The following NDUFA6 variants were observed in gnomAD, a reference collection of about 807,000 sequenced individuals.
NDUFA6 encodes NADH dehydrogenase [ubiquinone] 1 alpha subcomplex subunit 6.
NDUFA6 carries 10 observed loss-of-function variants against 12.5 expected under a neutral mutation model. That is an observed-to-expected ratio of 0.80 (90% CI 0.49 to 1.35). The LOEUF is 1.35. Ranked by LOEUF, NDUFA6 falls within the 40% of genes most tolerant of loss-of-function variation. The pLI is 0.00. For synonymous variants in NDUFA6, 66 were observed against 63.0 expected, an observed-to-expected ratio of 1.05 and a Z score of -0.23; for missense variants, 177 against 173.5, an observed-to-expected ratio of 1.02 and a Z score of -0.11.
chr22:42,086,427 C>G (rs1248104671), intron 2 of NDUFA6, 113 bp from the exon 3 acceptor site: 41 of 1,384,248 alleles, frequency 3.0e-5, no homozygotes, highest in Non-Finnish European at 3.8e-5. Context: ...TGACCTTGGG[C>G]AAGTAACTAC....
At chr22:42,088,826 C>T (rs967251659) in intron 1 of NDUFA6, among the ~76,000 whole-genome samples, 4 of 149,442 alleles carry the variant, frequency 2.7e-5, no homozygotes, top group Non-Finnish European at 4.4e-5. Flanking sequence ...GTTCTAAGTT[C>T]TCAACACTAT....
intron 2 of NDUFA6, among the ~76,000 whole-genome samples, chr22:42,086,662 G>A (rs545965939): frequency 6.6e-6 from 1 of 152,240 alleles, no homozygotes; most frequent in East Asian, 1.9e-4. Flanking sequence ...TCCCATTGAT[G>A]CTAACGTGAC....
At chr22:42,086,345 A>G in intron 2 of NDUFA6, 31 bp from the exon 3 acceptor site, 1 of 1,614,028 alleles carries the variant, frequency 6.2e-7, no homozygotes, top group South Asian at 1.1e-5. Context: ...TCATCAGTCA[A>G]AGTTGTCAAG....
chr22:42,087,845 C>T (rs1334017571), intron 1 of NDUFA6, among the ~76,000 whole-genome samples: 2 of 151,064 alleles, frequency 1.3e-5, no homozygotes, highest in African/African-American at 2.4e-5. Flanking sequence ...CGGTGGCTCA[C>T]GCCTGTAATC....
rs1928584156 is a variant in NDUFA6, at chr22:42,090,614, G to C, written c.131C>G (p.Pro44Arg). The change falls in exon 1 of 3, where the codon CCG (proline) becomes CGG (arginine). Residue 44 changes from proline (P) to arginine (R), a missense_variant. Transcript: ENST00000498737. ...ELYRAWYREVPNTVHQFQLDI... is the reference protein window; with the variant it reads ...ELYRAWYREVRNTVHQFQLDI... ...AAGCCGCTACCTCTCACCAGTGTTC[G>C]GCACCTCCCGATACCAGGCGCGGTA... 1.9e-6 allele frequency: 3 copies of C among 1,613,784 alleles called. No homozygotes were observed. The highest frequency in any genetic ancestry group is 2.5e-6 in the Non-Finnish European group (3 of 1,179,988).
intron 1 of NDUFA6, among the ~76,000 whole-genome samples, chr22:42,088,296 A>G (rs1419669803): frequency 1.3e-5 from 2 of 151,588 alleles, no homozygotes; most frequent in Non-Finnish European, 2.9e-5. Flanking sequence ...AGTCCCAGCT[A>G]CTCAGGAGGC....
At chr22:42,088,706 A>C (rs1928429955) in intron 1 of NDUFA6, among the ~76,000 whole-genome samples, 1 of 139,646 alleles carries the variant, frequency 7.2e-6, no homozygotes, top group Admixed American at 7.7e-5. Context: ...GGGAGACAAG[A>C]GCGAGACTCT....
chr22:42,088,408 C>T (rs567067908), intron 1 of NDUFA6, among the ~76,000 whole-genome samples: 6 of 149,340 alleles, frequency 4.0e-5, no homozygotes, highest in South Asian at 2.1e-4. Flanking sequence ...AGCGAGACTC[C>T]GTCTCAAAAA....
At chr22:42,087,396 G>A (rs1247674553) in intron 1 of NDUFA6, 1 of 576,336 alleles carries the variant, frequency 1.7e-6, no homozygotes, top group Non-Finnish European at 3.1e-6. Flanking sequence ...AATTTGAAGA[G>A]GCAGTAAAGC....
At chr22:42,086,438 T>G (rs1928256491) in intron 2 of NDUFA6, 124 bp from the exon 3 acceptor site, 1 of 1,256,774 alleles carries the variant, frequency 8.0e-7, no homozygotes, top group African/African-American at 1.5e-5. Flanking sequence ...AAGTAACTAC[T>G]CTGTCTGGGC....
intron 1 of NDUFA6, 127 bp from the exon 2 acceptor site, chr22:42,087,302 G>A: frequency 1.4e-6 from 1 of 735,622 alleles, no homozygotes; most frequent in Non-Finnish European, 2.5e-6. Context: ...CCTGACCCTA[G>A]GCTAGGTGCT....
chr22:42,087,173 G>A lies in NDUFA6; in HGVS notation c.142C>T (p.His48Tyr). 6.2e-7 allele frequency: 1 copy of A among 1,604,754 alleles called. No individual in the cohort carries two copies. The highest frequency in any genetic ancestry group is 8.5e-7 in the Non-Finnish European group (1 of 1,171,536). The change falls in exon 2 of 3, where the codon CAC becomes TAC. Residue 48 changes from histidine to tyrosine, a missense_variant and splice_region_variant. Around this residue, in one of 3 missense-constraint regions of NDUFA6, gnomAD observed 111 missense variants for 87.2 expected, o/e 1.27. Transcript: ENST00000498737. The part of the protein sequence containing the change: ...AWYREVPNTV[H>Y]QFQLDITVKM... ...ACAGTGATGTCCAGCTGGAATTGGTGCACTAGAGAGAAAAACATGACTCAG... is the reference window on the plus strand; with the variant it reads ...ACAGTGATGTCCAGCTGGAATTGGTACACTAGAGAGAAAAACATGACTCAG...
At chr22:42,087,311 C>T in intron 1 of NDUFA6, 136 bp from the exon 2 acceptor site, 1 of 709,574 alleles carries the variant, frequency 1.4e-6, no homozygotes, top group South Asian at 1.5e-5. Context: ...AGGCTAGGTG[C>T]TTGAGGATGA....
chr22:42,086,969 TA>T, intron 2 of NDUFA6, 90 bp downstream of exon 2: 1 of 949,056 alleles, frequency 1.1e-6, no homozygotes, highest in Non-Finnish European at 1.7e-6. Context: ...AGCTGCTTTC[TA>T]AACTTGGAGA....
chr22:42,087,294 T>A lies in NDUFA6; in HGVS notation c.140-119A>T, dbSNP rs184696039. 1.4e-4 allele frequency: 105 copies of A among 774,448 alleles called. No homozygotes were observed. In the African/African-American group the frequency reaches 1.7e-3, roughly 12 times the overall value. The allele number at this position is 774,448 out of a possible 1,614,324, so 48.0% of individuals were successfully genotyped here. A position where few individuals can be genotyped will look rare whatever the true frequency, so the allele number is the denominator to read the frequency against. On this transcript the variant is annotated intron_variant, in intron 1 of 2. Coordinates refer to ENST00000498737, the MANE Select transcript of NDUFA6 (RefSeq NM_002490.6). ...TCATTTCTTCACCAAAAAATTAGCC[T>A]GACCCTAGGCTAGGTGCTTGAGGAT...
chr22:42,090,582 C>A, intron 1 of NDUFA6, 24 bp downstream of exon 1: 1 of 1,612,464 alleles, frequency 6.2e-7, no homozygotes, highest in East Asian at 2.2e-5. Context: ...CCTCCGGGTC[C>A]CCACGTAAGC....
chr22:42,090,556 C>A (rs1381298193), intron 1 of NDUFA6, 50 bp downstream of exon 1: 2 of 1,605,086 alleles, frequency 1.2e-6, no homozygotes, highest in South Asian at 2.2e-5. Context: ...GGGCCGGCTA[C>A]GACCTTGAGC....
rs774259066 is a variant in NDUFA6, at chr22:42,086,256, C to T, written c.314G>A (p.Arg105Gln). 6 of 1,614,076 alleles carry T rather than the reference C, an allele frequency of 3.7e-6. No homozygotes were observed. The highest frequency in any genetic ancestry group is 3.3e-5 in the Admixed American group (2 of 60,002). ...KVWKQRTHVM[R>Q]FFHETEAPRP... is the part of the protein sequence containing the mutation. ...TGGCGCTTCTGTTTCATGGAAGAAC[C>T]GCATAACATGTGTCCGCTGCTTCCA... is the stretch of plus-strand genomic sequence containing the variant. Residue 105 changes from arginine to glutamine, a missense_variant, in exon 3 of 3, where the codon CGG (arginine) becomes CAG (glutamine). Transcript: ENST00000498737.
chr22:42,088,779 T>TA (rs1353637289), intron 1 of NDUFA6, among the ~76,000 whole-genome samples: 1 of 151,900 alleles, frequency 6.6e-6, no homozygotes, highest in Non-Finnish European at 1.5e-5. Flanking sequence ...ATTAAATACT[T>TA]AAAATTTTAC....
Sources: allele counts gnomAD v4.1 joint callset (sites outside exome capture counted in the v4.1 genomes callset), GRCh38; gene constraint gnomAD v4.1.1; regional missense constraint gnomAD v4.1.1; transcripts MANE v1.5; gene names NCBI Gene and HGNC (gene_info 2026-07-23, HGNC 2026-07-21).